Variants in CFAP20DC observed in about 807,000 individuals in gnomAD.
CFAP20DC encodes protein CFAP20DC.
A neutral mutation model predicts 101.7 loss-of-function variants in CFAP20DC; 84 were observed. That is an observed-to-expected ratio of 0.83 (90% CI 0.69 to 0.99). The LOEUF (loss-of-function observed/expected upper bound fraction) is 0.99, where lower values mean the gene tolerates loss of function less well. CFAP20DC is among the 50% of genes least tolerant of loss of function. The pLI, the probability that CFAP20DC is intolerant of heterozygous loss-of-function variation, is 0.00. For synonymous variants in CFAP20DC, 359 were observed against 351.2 expected (o/e 1.02, Z -0.25); for missense variants, 1,007 against 970.3 (o/e 1.04, Z -0.50).
chr3:58,746,582 G>C (rs1306473569), intron 16 of CFAP20DC, among the ~76,000 whole-genome samples: 1 of 152,126 alleles, frequency 6.6e-6, no homozygotes, highest in Non-Finnish European at 1.5e-5. Flanking sequence ...TAGAGGTTTT[G>C]CTACATAATG....
intron 4 of CFAP20DC, among the ~76,000 whole-genome samples, chr3:59,008,711 G>A (rs554912650): frequency 6.6e-6 from 1 of 152,110 alleles, no homozygotes; most frequent in South Asian, 2.1e-4. Context: ...GGACTGTTGT[G>A]GGGTGGGAGG....
intron 4 of CFAP20DC, among the ~76,000 whole-genome samples, chr3:59,010,344 T>G (rs942231573): frequency 6.6e-6 from 1 of 151,926 alleles, no homozygotes; most frequent in Non-Finnish European, 1.5e-5. Flanking sequence ...CACATAAACT[T>G]TGGGTAAAGG....
chr3:58,804,449 G>A (rs2073919552), intron 15 of CFAP20DC, among the ~76,000 whole-genome samples: 1 of 147,532 alleles, frequency 6.8e-6, no homozygotes, highest in Admixed American at 6.8e-5. Flanking sequence ...TGTAACCTCT[G>A]CTTCCTGGGT....
downstream of CFAP20DC, among the ~76,000 whole-genome samples, chr3:58,716,769 C>G (rs1436434819): frequency 6.6e-6 from 1 of 152,144 alleles, no homozygotes; most frequent in Non-Finnish European, 1.5e-5. Context: ...TGCACAGCAA[C>G]TCCCTACTGG....
chr3:58,875,103 A>G (rs1354194838), intron 7 of CFAP20DC, among the ~76,000 whole-genome samples: 2 of 152,218 alleles, frequency 1.3e-5, no homozygotes, highest in Non-Finnish European at 2.9e-5. Context: ...AGGGATAACA[A>G]TGAACAAAAC....
chr3:58,803,325 C>T (rs921805400), intron 15 of CFAP20DC, among the ~76,000 whole-genome samples: 2 of 152,154 alleles, frequency 1.3e-5, no homozygotes, highest in African/African-American at 4.8e-5. Context: ...AGCCTCCATA[C>T]CAGAATTTTC....
intron 4 of CFAP20DC, among the ~76,000 whole-genome samples, chr3:58,999,174 T>G (rs565631256): frequency 3.9e-5 from 6 of 152,222 alleles, no homozygotes; most frequent in Admixed American, 6.5e-5. Flanking sequence ...TGGATGTTAT[T>G]GTGAACACAC....
downstream of CFAP20DC, chr3:58,737,352 A>C (rs73837941): frequency 9.9e-6 from 4 of 405,114 alleles, no homozygotes; most frequent in African/African-American, 8.6e-5. The surrounding 1 kb of genome is among the most constrained non-coding windows in gnomAD (Gnocchi z 4.1). Flanking sequence ...AACTAACCAA[A>C]CAAGCAAGCA....
In CFAP20DC at chr3:58,825,566, TTATGCTATTGTCAA is replaced by T. The variant is rs2075986655; in HGVS notation, c.2175+6106_2175+6119del. ...ACACACACACACACACAACATGGCT[TTATGCTATTGTCAA>T]TCAAAATCCCTCACCAAGATAAAAT... On this transcript the variant is annotated intron_variant, in intron 14 of 16. Transcript: ENST00000482387. Among the ~76,000 whole-genome samples, 3 of 119,584 alleles carry T rather than the reference TTATGCTATTGTCAA, an allele frequency of 2.5e-5. No homozygotes were observed. In the South Asian group the frequency reaches 7.6e-4, roughly 30 times the overall value. 78.5% of individuals were successfully genotyped at this position (119,584 alleles called of 152,430 possible).
In CFAP20DC at chr3:58,788,416, G is replaced by T. The variant is rs977177445; in HGVS notation, c.2237+17979C>A. On this transcript the variant is annotated intron_variant, in intron 15 of 16. Transcript: ENST00000482387. This position sits in a 1 kb window ranked among gnomAD's most constrained non-coding sequence, Gnocchi z 4.2. Reference sequence around the variant, plus strand: ...GCTTCTAATGTGGACAGCGCTGTATGAGAAGTAATGGGGAGCAAATGGGGA... The same window carrying T: ...GCTTCTAATGTGGACAGCGCTGTATTAGAAGTAATGGGGAGCAAATGGGGA... Among the ~76,000 whole-genome samples the T allele has an allele frequency of 3.3e-5, 5 of 152,150 alleles. 1 individual carries two copies. Among genetic ancestry groups the T allele is most frequent in the Admixed American group, 3.3e-4 (5 of 15,268 alleles).
At chr3:58,996,068 A>C (rs1302103829) in intron 4 of CFAP20DC, among the ~76,000 whole-genome samples, 1 of 151,714 alleles carries the variant, frequency 6.6e-6, no homozygotes, top group Non-Finnish European at 1.5e-5. Context: ...ATAATTACTA[A>C]TTTCATGTTA....
chr3:58,959,529 T>TA (rs2090951272), intron 4 of CFAP20DC, among the ~76,000 whole-genome samples: 1 of 152,256 alleles, frequency 6.6e-6, no homozygotes, highest in Admixed American at 6.5e-5. Context: ...CCTAGTCTTC[T>TA]GCCCATTAAA....
chr3:58,970,460 C>A (rs2091887208), intron 4 of CFAP20DC: 1 of 152,150 alleles, frequency 6.6e-6, no homozygotes, highest in Admixed American at 6.6e-5. Context: ...AGACTGCTGG[C>A]AATTGCCAGA....
intron 4 of CFAP20DC, among the ~76,000 whole-genome samples, chr3:58,948,153 C>T (rs899265858): frequency 6.6e-6 from 1 of 152,236 alleles, no homozygotes; most frequent in African/African-American, 2.4e-5. Context: ...GAGGACATGA[C>T]ATGGGACACT....
chr3:58,826,548 A>G (rs1302137858), intron 14 of CFAP20DC, among the ~76,000 whole-genome samples: 1 of 152,178 alleles, frequency 6.6e-6, no homozygotes, highest in Non-Finnish European at 1.5e-5. Context: ...GAGTGAGAAT[A>G]TGCAGTGTTT....
chr3:58,817,150 C>A (rs1427158886), intron 14 of CFAP20DC, among the ~76,000 whole-genome samples: 25 of 151,952 alleles, frequency 1.6e-4, no homozygotes, highest in African/African-American at 5.3e-4. Flanking sequence ...ACATCACCAT[C>A]ATCAAAGACC....
At chr3:58,718,932 G>C (rs6773461) in intron 3 of CFAP20DC, among the ~76,000 whole-genome samples, 7,141 of 152,194 alleles carry the variant, frequency 0.047, 545 homozygotes, top group African/African-American at 0.16. Context: ...AGTAAGGAAA[G>C]CCACAATTTT....
intron 14 of CFAP20DC, among the ~76,000 whole-genome samples, chr3:58,817,153 C>G (rs2075251484): frequency 1.3e-5 from 2 of 151,838 alleles, no homozygotes; most frequent in South Asian, 2.1e-4. Flanking sequence ...TCACCATCAT[C>G]AAAGACCAAA....
intron 3 of CFAP20DC, among the ~76,000 whole-genome samples, chr3:59,042,254 T>C (rs1023430194): frequency 9.2e-5 from 14 of 151,938 alleles, no homozygotes; most frequent in Admixed American, 7.9e-4. Context: ...AAGGGCTTAA[T>C]GGGCTGATAG....
Sources: allele counts gnomAD v4.1 joint callset (sites outside exome capture counted in the v4.1 genomes callset), GRCh38; gene constraint gnomAD v4.1.1; non-coding constraint Gnocchi (gnomAD v3.1); transcripts MANE v1.5; gene names NCBI Gene and HGNC (gene_info 2026-07-23, HGNC 2026-07-21).